ERG: variants seen among roughly 807,000 people sequenced by gnomAD.
ERG encodes transcriptional regulator ERG.
In ERG, 9 loss-of-function variants were observed where a neutral mutation model predicts 55.3. The observed-to-expected ratio is 0.16, with a 90% CI of 0.10 to 0.28. The LOEUF is 0.28. Ranked by LOEUF, ERG falls within the 10% of genes least tolerant of loss-of-function variation. The pLI is 1.00. For synonymous variants in ERG, 223 were observed against 237.3 expected (o/e 0.94, Z 0.55); for missense variants, 434 against 631.6 (o/e 0.69, Z 3.35).
chr21:38,548,105 T>A (rs2059799526), intron 2 of ERG, among the ~76,000 whole-genome samples: 1 of 152,120 alleles, frequency 6.6e-6, no homozygotes, highest in Admixed American at 6.5e-5. Context: ...GCCCGTAAGG[T>A]CTAGCAAAGA....
At chr21:38,444,648 G>GT (rs2058872343) in intron 2 of ERG, among the ~76,000 whole-genome samples, 1 of 151,144 alleles carries the variant, frequency 6.6e-6, no homozygotes, top group African/African-American at 2.4e-5. Context: ...CGTGACAGTT[G>GT]TATGTTCATG....
At chr21:38,597,954 C>A (rs925103200) in intron 1 of ERG, among the ~76,000 whole-genome samples, 1 of 152,120 alleles carries the variant, frequency 6.6e-6, no homozygotes, top group African/African-American at 2.4e-5. Context: ...ACTGAGAGTT[C>A]GTTAATAAGC....
chr21:38,624,672 C>A (rs989285457), intron 1 of ERG, among the ~76,000 whole-genome samples: 5 of 152,112 alleles, frequency 3.3e-5, no homozygotes, highest in Non-Finnish European at 7.3e-5. Context: ...GGCTATATGA[C>A]CTTGGACACT....
chr21:38,598,562 C>T (rs2060145140), intron 1 of ERG, among the ~76,000 whole-genome samples: 1 of 152,216 alleles, frequency 6.6e-6, no homozygotes, highest in Admixed American at 6.5e-5. Context: ...TCGGCTGAGG[C>T]TCAGAATAGC....
At chr21:38,589,007 A>G (rs1203202972), upstream of ERG, among the ~76,000 whole-genome samples, 2 of 152,150 alleles carry the variant, frequency 1.3e-5, no homozygotes, top group Non-Finnish European at 2.9e-5. Flanking sequence ...CTTGGATTAG[A>G]GGGGTGAGCT....
chr21:38,424,581 G>T (rs1007322185), intron 2 of ERG, among the ~76,000 whole-genome samples: 1 of 152,162 alleles, frequency 6.6e-6, no homozygotes, highest in Admixed American at 6.5e-5. Context: ...TTGTTCTCGC[G>T]GTGTGACAGC....
At chr21:38,474,326 G>A (rs2059167744) in intron 1 of ERG, among the ~76,000 whole-genome samples, 1 of 151,412 alleles carries the variant, frequency 6.6e-6, no homozygotes, top group Admixed American at 6.6e-5. Flanking sequence ...AGTTCATTGC[G>A]TGCAGCCCCT....
intron 2 of ERG, among the ~76,000 whole-genome samples, chr21:38,546,239 TCTTCTTTTTTTA>T (rs1471046279): frequency 6.6e-6 from 1 of 152,180 alleles, no homozygotes; most frequent in Non-Finnish European, 1.5e-5. Flanking sequence ...CTTTTTTCTA[TCTTCTTTTTTTA>T]CTTCTTTTTA....
chr21:38,445,289 A>G, intron 2 of ERG, 115 bp downstream of exon 2: 1 of 779,500 alleles, frequency 1.3e-6, no homozygotes. Flanking sequence ...TTACAGGCAC[A>G]GTGGCCTTGC....
rs776076093 is a variant in ERG at position 38,402,641 on chromosome 21, C to T, written c.593-4G>A. 53 of 1,081,534 alleles carry T rather than the reference C, an allele frequency of 4.9e-5. No homozygotes were observed. Among genetic ancestry groups the T allele is most frequent in the Non-Finnish European group, 5.8e-5 (50 of 860,300 alleles). The allele number at this position is 1,081,534 out of a possible 1,614,324, so 67.0% of individuals were successfully genotyped here. A position where few individuals can be genotyped will look rare whatever the true frequency, so the allele number is the denominator to read the frequency against. ...GAAGTCAAATGTGGAAGAGGAGCTA[C>T]AAAACAAAACAAAAAGCGACATCAA... On this transcript the variant is annotated splice_polypyrimidine_tract_variant and splice_region_variant and intron_variant, in intron 4 of 9. Transcript: ENST00000288319.
chr21:38,458,473 C>G (rs1316067664), intron 1 of ERG, among the ~76,000 whole-genome samples: 1 of 151,502 alleles, frequency 6.6e-6, no homozygotes, highest in East Asian at 1.9e-4. Context: ...CAGTCAGGCT[C>G]CCATGGGCCT....
intron 1 of ERG, among the ~76,000 whole-genome samples, chr21:38,455,879 C>CT (rs1399507865): frequency 1.3e-5 from 2 of 151,300 alleles, no homozygotes; most frequent in African/African-American, 4.9e-5. Context: ...CCCCCCCCTC[C>CT]CCACAGACAG....
chr21:38,492,150 A>G (rs2059341774), intron 1 of ERG, among the ~76,000 whole-genome samples: 1 of 152,208 alleles, frequency 6.6e-6, no homozygotes, highest in Non-Finnish European at 1.5e-5. Context: ...GAGAAGGGAG[A>G]CAGATTTGTG....
intron 2 of ERG, among the ~76,000 whole-genome samples, chr21:38,560,526 G>T (rs571691224): frequency 6.6e-6 from 1 of 152,286 alleles, no homozygotes; most frequent in Admixed American, 6.5e-5. Flanking sequence ...CCTGGTCTGA[G>T]GCTCTCCCTG....
At chr21:38,456,333 C>T (rs2058989144) in intron 1 of ERG, among the ~76,000 whole-genome samples, 2 of 152,114 alleles carry the variant, frequency 1.3e-5, no homozygotes, top group East Asian at 1.9e-4. Flanking sequence ...TAGTCAGCAC[C>T]CTGAGAGCTA....
chr21:38,520,741 C>G (rs753732392), intron 2 of ERG, among the ~76,000 whole-genome samples: 1 of 151,802 alleles, frequency 6.6e-6, no homozygotes, highest in Non-Finnish European at 1.5e-5. Context: ...GCAGAGAGCA[C>G]GAAAAAAGAA....
In ERG at chr21:38,451,068, C is replaced by T. The variant is rs890433170; in HGVS notation, c.19-5447G>A. The T allele has an allele frequency of 1.6e-5, 7 of 440,916 alleles. No individual in the cohort carries two copies. The East Asian group carries it at 2.8e-4, about 18-fold the overall frequency. The allele number at this position is 440,916 out of a possible 1,614,324, so 27.3% of individuals were successfully genotyped here. A position where few individuals can be genotyped will look rare whatever the true frequency, so the allele number is the denominator to read the frequency against. On this transcript the variant is annotated intron_variant, in intron 1 of 9. Coordinates refer to ENST00000288319, the MANE Select transcript of ERG (RefSeq NM_182918.4). ...AGAAGTTGGATTAAGAAAAGTCACA[C>T]GGTGGAGTGTTTTGGTGCCTGCTCT...
chr21:38,622,901 T>C (rs1228302411), intron 1 of ERG, among the ~76,000 whole-genome samples: 1 of 133,112 alleles, frequency 7.5e-6, no homozygotes. Context: ...ACACACACCA[T>C]ACATACACCA....
intron 2 of ERG, among the ~76,000 whole-genome samples, chr21:38,442,138 G>T (rs1414926394): frequency 1.1e-4 from 17 of 152,182 alleles, no homozygotes; most frequent in African/African-American, 4.1e-4. Flanking sequence ...GGGCGCGGTG[G>T]CTAACACCTG....
Sources: gnomAD v4.1 joint callset for allele counts (sites outside exome capture counted in the v4.1 genomes callset) on GRCh38, gnomAD v4.1.1 for gene constraint, MANE v1.5 for transcripts, NCBI Gene and HGNC (gene_info 2026-07-23, HGNC 2026-07-21) for gene names.